Variants in AMD1 observed in about 807,000 individuals in gnomAD.
The protein encoded by AMD1 is S-adenosylmethionine decarboxylase proenzyme.
AMD1 carries 11 observed loss-of-function variants against 40.2 expected under a neutral mutation model. The observed-to-expected ratio is 0.27, with a 90% CI of 0.17 to 0.45. The LOEUF is 0.45. AMD1 is among the 20% of genes least tolerant of loss of function. The pLI, the probability that AMD1 is intolerant of heterozygous loss-of-function variation, is 1.00. For synonymous variants in AMD1, 121 were observed against 130.8 expected, an observed-to-expected ratio of 0.93 and a Z score of 0.51; for missense variants, 257 against 410.2, an observed-to-expected ratio of 0.63 and a Z score of 3.23.
chr6:110,817,297 G>C, the AMD1 span, among the ~76,000 whole-genome samples: 1 of 152,196 alleles, frequency 6.6e-6, no homozygotes, highest in African/African-American at 2.4e-5. Context: ...ACCCACTCCT[G>C]GAAAACTTCC....
chr6:110,890,450 A>G (rs1785951627), intron 4 of AMD1, 94 bp downstream of exon 4: 3 of 907,726 alleles, frequency 3.3e-6, no homozygotes, highest in Non-Finnish European at 5.2e-6. Flanking sequence ...TTATGCATAT[A>G]TAGCATTCTA....
the AMD1 span, among the ~76,000 whole-genome samples, chr6:110,851,468 T>A: frequency 6.6e-6 from 1 of 151,916 alleles, no homozygotes; most frequent in African/African-American, 2.4e-5. Flanking sequence ...ATTGTTGTTG[T>A]TGTTGTCGTT....
At chr6:110,851,068 A>G in the AMD1 span, among the ~76,000 whole-genome samples, 1 of 151,928 alleles carries the variant, frequency 6.6e-6, no homozygotes, top group African/African-American at 2.4e-5. Flanking sequence ...GGTTCAAGCA[A>G]TTCTCCTGCC....
chr6:110,859,620 G>T, the AMD1 span, among the ~76,000 whole-genome samples: 2 of 151,948 alleles, frequency 1.3e-5, no homozygotes, highest in East Asian at 3.9e-4. Context: ...GCTGGGAAAT[G>T]AGTGCCCTGG....
the AMD1 span, among the ~76,000 whole-genome samples, chr6:110,854,556 C>A: frequency 2.6e-5 from 4 of 151,948 alleles, no homozygotes; most frequent in South Asian, 8.3e-4. Flanking sequence ...TCAAACGATT[C>A]TCCTGCCTCA....
chr6:110,859,228 T>A, the AMD1 span: 1 of 595,098 alleles, frequency 1.7e-6, no homozygotes, highest in Non-Finnish European at 2.8e-6. Flanking sequence ...TTTTTTTTCT[T>A]AACCTGTTCA....
At chr6:110,888,172 A>G (rs1453930960) in intron 2 of AMD1, 2 of 152,218 alleles carry the variant, frequency 1.3e-5, no homozygotes, top group East Asian at 1.9e-4. Context: ...GCTTCTCTAT[A>G]CAAATACAGT....
chr6:110,815,267 G>A, the AMD1 span: 14 of 1,064,228 alleles, frequency 1.3e-5, no homozygotes, highest in East Asian at 1.3e-4. Flanking sequence ...GCCGCCCGCC[G>A]CCCGCCGCTC....
the AMD1 span, chr6:110,858,723 G>A: frequency 8.8e-6 from 7 of 791,742 alleles, no homozygotes; most frequent in African/African-American, 5.1e-5. Context: ...ATGAAGGCTG[G>A]CCAGTGCACC....
chr6:110,824,092 A>G, the AMD1 span, among the ~76,000 whole-genome samples: 1 of 152,234 alleles, frequency 6.6e-6, no homozygotes, highest in East Asian at 1.9e-4. Flanking sequence ...AAAATAAGTT[A>G]TTATATCAAA....
the AMD1 span, among the ~76,000 whole-genome samples, chr6:110,817,271 C>T: frequency 1.3e-5 from 2 of 152,130 alleles, no homozygotes; most frequent in South Asian, 2.1e-4. Context: ...GAATGATTTA[C>T]CTTATTTGCT....
chr6:110,881,421 G>T (rs1386214071), intron 1 of AMD1, among the ~76,000 whole-genome samples: 1 of 152,164 alleles, frequency 6.6e-6, no homozygotes, highest in Non-Finnish European at 1.5e-5. Context: ...CACTGAGTTA[G>T]ATCAGAGAGG....
the AMD1 span, chr6:110,858,244 C>A: frequency 1.1e-6 from 1 of 942,680 alleles, no homozygotes; most frequent in South Asian, 1.4e-5. Flanking sequence ...CAGCCATGAG[C>A]TCCACGCAGT....
chr6:110,892,783 A>G lies in AMD1; in HGVS notation c.664A>G (p.Met222Val), dbSNP rs202135023. 17 of 1,613,906 alleles carry G rather than the reference A, an allele frequency of 1.1e-5. No homozygotes were observed. The highest frequency in any genetic ancestry group is 3.3e-4 in the Middle Eastern group (2 of 6,032). The stretch of plus-strand genomic sequence containing the variant: ...ACCAGGTTCTGTCATTGATGCCACA[A>G]TGTTCAATCCTTGTGGGTATTCGAT... ...LIPGSVIDAT[M>V]FNPCGYSMNG... Residue 222 changes from methionine (M) to valine (V), a missense_variant, in exon 7 of 9, where the codon ATG becomes GTG. By Grantham distance (21) the Met-to-Val change is conservative. Around this residue, in one of 3 missense-constraint regions of AMD1, gnomAD observed 192 missense variants for 296.5 expected, o/e 0.65. Transcript: ENST00000368885.
chr6:110,860,868 CACAGAGAG>C, the AMD1 span, among the ~76,000 whole-genome samples: 1 of 142,254 alleles, frequency 7.0e-6, no homozygotes, highest in African/African-American at 2.6e-5. Context: ...CACACACACA[CACAGAGAG>C]AGAGAACAAT....
upstream of AMD1, among the ~76,000 whole-genome samples, chr6:110,874,094 A>G (rs111871343): frequency 0.037 from 5,624 of 152,334 alleles, 132 homozygotes; most frequent in Middle Eastern, 0.071. Context: ...GAGGTGGGTA[A>G]AGCCGGGGCC....
At chr6:110,893,397 A>G in intron 8 of AMD1, 79 bp from the exon 9 acceptor site, 2 of 1,555,982 alleles carry the variant, frequency 1.3e-6, no homozygotes, top group Non-Finnish European at 8.8e-7. Flanking sequence ...TTAAGATAAA[A>G]GTCTGTCACT....
At chr6:110,874,213 G>T (rs1784977653), upstream of AMD1, among the ~76,000 whole-genome samples, 1 of 152,222 alleles carries the variant, frequency 6.6e-6, no homozygotes, top group East Asian at 1.9e-4. Context: ...ATCAGCCAAG[G>T]CGTGAGCAGA....
At chr6:110,882,022 T>C (rs1412606751) in intron 1 of AMD1, among the ~76,000 whole-genome samples, 1 of 152,230 alleles carries the variant, frequency 6.6e-6, no homozygotes, top group Non-Finnish European at 1.5e-5. Flanking sequence ...GTTTTATAAA[T>C]AGTTTATAAT....
Sources: allele counts gnomAD v4.1 joint callset (sites outside exome capture counted in the v4.1 genomes callset), GRCh38; gene constraint gnomAD v4.1.1; regional missense constraint gnomAD v4.1.1; transcripts MANE v1.5; gene names NCBI Gene and HGNC (gene_info 2026-07-23, HGNC 2026-07-21).